Variants in TRIO observed in about 807,000 individuals in gnomAD.
TRIO encodes the protein trio Rho guanine nucleotide exchange factor, also known as triple functional domain protein.
A neutral mutation model predicts 351.9 loss-of-function variants in TRIO; 58 were observed. The ratio of observed to expected loss-of-function variants is 0.16; its 90% CI spans 0.13 to 0.21. The LOEUF (loss-of-function observed/expected upper bound fraction) is 0.21, where lower values mean the gene tolerates loss of function less well. Ranked by LOEUF, TRIO falls within the 10% of genes least tolerant of loss-of-function variation. TRIO has a pLI of 1.00. For missense variants in TRIO, 3,201 were observed against 4,027.8 expected, an observed-to-expected ratio of 0.79 and a Z score of 5.56; for synonymous variants, 1,758 against 1,595.7, an observed-to-expected ratio of 1.10 and a Z score of -2.42.
chr5:14,389,622 G>A (rs1746871290), intron 25 of TRIO, among the ~76,000 whole-genome samples: 1 of 152,108 alleles, frequency 6.6e-6, no homozygotes, highest in Admixed American at 6.5e-5. Flanking sequence ...ATAAGATCAG[G>A]AAAACTATGA....
In TRIO at chr5:14,465,526, T is replaced by G; in HGVS notation, c.5668-19T>G. On this transcript the variant is annotated intron_variant, in intron 36 of 56. Transcript: ENST00000344204. ...TGAGCCCTTGCCCCACCCCCTCCTT[T>G]TCTTAATTTCTTCTGTAGGCCTCTT... 6.2e-7 allele frequency: 1 copy of G among 1,613,688 alleles called. No homozygotes were observed. Among genetic ancestry groups the G allele is most frequent in the Non-Finnish European group, 8.5e-7 (1 of 1,179,636 alleles).
chr5:14,492,745 G>T lies in TRIO; in HGVS notation c.7811G>T (p.Gly2604Val). Residue 2604 changes from glycine (G) to valine (V), a missense_variant, in exon 49 of 57, where the codon GGC becomes GTC. This residue lies in a region of TRIO where 1,089 missense variants were observed against 954.9 expected (regional missense o/e 1.14). Transcript: ENST00000344204. The stretch of plus-strand genomic sequence containing the variant: ...ACTGACCAGTGCCCCGCAGCTGAGG[G>T]CTGGATTCCAGGCTTTGTCCTGGGC... Reference protein sequence around the residue: ...AATDQCPAAEGWIPGFVLGHT... With the variant: ...AATDQCPAAEVWIPGFVLGHT... 1 of 1,614,192 alleles carries T rather than the reference G, an allele frequency of 6.2e-7. No homozygotes were observed. Among genetic ancestry groups the T allele is most frequent in the Non-Finnish European group, 8.5e-7 (1 of 1,180,034 alleles).
intron 30 of TRIO, among the ~76,000 whole-genome samples, chr5:14,400,538 T>C (rs1747984498): frequency 6.6e-6 from 1 of 152,226 alleles, no homozygotes; most frequent in African/African-American, 2.4e-5. Flanking sequence ...AATAAGCTGT[T>C]AAAACATCAT....
chr5:14,232,288 A>G (rs1244452311), intron 1 of TRIO, among the ~76,000 whole-genome samples: 3 of 152,124 alleles, frequency 2.0e-5, no homozygotes, highest in African/African-American at 4.8e-5. Context: ...TCTGCCTTCA[A>G]TGAATACACC....
At chr5:14,359,913 C>T (rs1233534752) in intron 13 of TRIO, among the ~76,000 whole-genome samples, 2 of 152,178 alleles carry the variant, frequency 1.3e-5, no homozygotes. Context: ...GCACAGGCAT[C>T]AGCTTCAGGC....
At chr5:14,430,055 TCA>T (rs1184684345) in intron 34 of TRIO, among the ~76,000 whole-genome samples, 4 of 152,114 alleles carry the variant, frequency 2.6e-5, no homozygotes, top group South Asian at 2.1e-4. Context: ...GGAGATACCC[TCA>T]CATGTGTATC....
intron 21 of TRIO, among the ~76,000 whole-genome samples, chr5:14,384,624 C>T (rs886978023): frequency 6.6e-5 from 10 of 150,894 alleles, no homozygotes; most frequent in Admixed American, 3.3e-4. Context: ...ACCTTGATAC[C>T]GAGATAAATA....
At chr5:14,273,017 A>G (rs1735172119) in intron 2 of TRIO, among the ~76,000 whole-genome samples, 1 of 152,180 alleles carries the variant, frequency 6.6e-6, no homozygotes, top group African/African-American at 2.4e-5. Context: ...ATTTTAGTGT[A>G]TCACCAGGTT....
chr5:14,487,962 C>T lies in TRIO; in HGVS notation c.7334C>T (p.Pro2445Leu), dbSNP rs1300607085. The change falls in exon 48 of 57, where the codon CCG (proline) becomes CTG (leucine). Residue 2445 changes from proline (P) to leucine (L), a missense_variant. Transcript: ENST00000344204. ...GCGCGCGCTAGCCTGGGCACCCTGC[C>T]GCTTGGGAAGCCCCGGGCCGGGGCC... Reference protein sequence around the residue: ...KDARASLGTLPLGKPRAGAAS... With the variant: ...KDARASLGTLLLGKPRAGAAS... 2.8e-5 allele frequency: 43 copies of T among 1,550,984 alleles called. No homozygotes were observed. The highest frequency in any genetic ancestry group is 3.4e-5 in the Non-Finnish European group (39 of 1,148,208).
At chr5:14,457,342 C>G (rs995808202) in intron 34 of TRIO, among the ~76,000 whole-genome samples, 1 of 145,418 alleles carries the variant, frequency 6.9e-6, no homozygotes. Context: ...TCTGTGGCAC[C>G]GATGAGCTCC....
intron 25 of TRIO, 23 bp from the exon 26 acceptor site, chr5:14,390,207 TG>T (rs1326872063): frequency 5.6e-6 from 9 of 1,609,392 alleles, no homozygotes; most frequent in Middle Eastern, 1.7e-4. Context: ...CTTTGTAATA[TG>T]ATACCATTTT....
intron 1 of TRIO, among the ~76,000 whole-genome samples, chr5:14,211,168 C>T (rs189188467): frequency 7.2e-5 from 11 of 152,180 alleles, no homozygotes; most frequent in South Asian, 4.1e-4. Context: ...GTTAGATCAA[C>T]GATTCATATA....
rs1397478828 is a variant in TRIO at position 14,421,231 on chromosome 5, ATTTTATTTTATTTTATTTTAT to A, written c.5203+1214_5203+1234del. ...CCCTTATTTAATTATTTATTTATTTATTTTATTTTATTTTATTTTATTTTATTTTATTTTATTTTATTTTAT... is the reference window on the plus strand; with the variant it reads ...CCCTTATTTAATTATTTATTTATTTATTTATTTTATTTTATTTTATTTTAT... On this transcript the variant is annotated intron_variant, in intron 34 of 56. Coordinates refer to ENST00000344204, the MANE Select transcript of TRIO (RefSeq NM_007118.4). Among the ~76,000 whole-genome samples the A allele has an allele frequency of 4.0e-5, 3 of 74,116 alleles. No homozygotes were observed. In the Admixed American group the frequency reaches 5.1e-4, roughly 13 times the overall value. The allele number at this position is 74,116 out of a possible 152,430, so 48.6% of individuals were successfully genotyped here.
intron 33 of TRIO, among the ~76,000 whole-genome samples, chr5:14,413,324 G>T (rs1320381616): frequency 1.3e-5 from 2 of 152,234 alleles, no homozygotes; most frequent in Non-Finnish European, 2.9e-5. Flanking sequence ...CTTGCGTAAA[G>T]CACCTTTCCA....
chr5:14,378,282 C>T (rs1028924921), intron 20 of TRIO, among the ~76,000 whole-genome samples, 155 bp downstream of exon 20: 8 of 152,164 alleles, frequency 5.3e-5, no homozygotes, highest in African/African-American at 1.4e-4. Context: ...AAAAAGAAAA[C>T]CCCACAGCCT....
At chr5:14,413,365 G>C (rs913408894) in intron 33 of TRIO, among the ~76,000 whole-genome samples, 1 of 152,146 alleles carries the variant, frequency 6.6e-6, no homozygotes, top group African/African-American at 2.4e-5. Flanking sequence ...AGCTGCATGC[G>C]TATCCAGTGA....
chr5:14,271,051 G>A (rs1358562433), intron 2 of TRIO, 152 bp downstream of exon 2: 6 of 634,266 alleles, frequency 9.5e-6, no homozygotes, highest in Non-Finnish European at 1.6e-5. Context: ...CTGTTTCTGA[G>A]AAATTAGTGC....
intron 8 of TRIO, among the ~76,000 whole-genome samples, chr5:14,306,467 A>G (rs1291241660): frequency 2.0e-5 from 3 of 152,174 alleles, no homozygotes; most frequent in Admixed American, 6.5e-5. Context: ...TGCCATCTCT[A>G]TGCATTGTCT....
In TRIO at chr5:14,337,667, C is replaced by T. The variant is rs546432114; in HGVS notation, c.2046+940C>T. 7.9e-5 allele frequency among the ~76,000 whole-genome samples: 12 copies of T among 152,242 alleles called. No individual in the cohort carries two copies. The South Asian group carries it at 1.5e-3, about 18-fold the overall frequency. On this transcript the variant is annotated intron_variant, in intron 11 of 56. Transcript: ENST00000344204. The stretch of plus-strand genomic sequence containing the variant: ...TGCCTCATTTCAAGGCATCAGTGCT[C>T]GGAGACCCACCAATTCCTTTAAAGG...
Sources: allele counts gnomAD v4.1 joint callset (sites outside exome capture counted in the v4.1 genomes callset), GRCh38; gene constraint gnomAD v4.1.1; regional missense constraint gnomAD v4.1.1; transcripts MANE v1.5; gene names NCBI Gene and HGNC (gene_info 2026-07-23, HGNC 2026-07-21).